The following RCOR3 variants were observed in gnomAD, a reference collection of about 807,000 sequenced individuals.
The protein encoded by RCOR3 is REST corepressor 3.
RCOR3 carries 13 observed loss-of-function variants against 64.1 expected under a neutral mutation model. That is an observed-to-expected ratio of 0.20 (90% CI 0.13 to 0.32). The LOEUF (loss-of-function observed/expected upper bound fraction) is 0.32, where lower values mean the gene tolerates loss of function less well. Among genes scored for constraint, RCOR3 ranks in the 10% least tolerant of loss-of-function variants. The pLI, the probability that RCOR3 is intolerant of heterozygous loss-of-function variation, is 1.00. For missense variants in RCOR3, 489 were observed against 701.2 expected (o/e 0.70, Z 3.42); for synonymous variants, 215 against 239.0 (o/e 0.90, Z 0.93).
At chr1:211,280,125 T>C (rs1697573389) in intron 7 of RCOR3, among the ~76,000 whole-genome samples, 1 of 152,216 alleles carries the variant, frequency 6.6e-6, no homozygotes, top group Admixed American at 6.5e-5. Context: ...GACATAGAAA[T>C]CTTGGATACA....
Position 211,305,788 on chromosome 1 carries a change from G to A in RCOR3, c.1075+1648G>A, listed in dbSNP as rs367961429. 9.9e-4 allele frequency among the ~76,000 whole-genome samples: 151 copies of A among 152,242 alleles called. 1 individual carries two copies. The highest frequency in any genetic ancestry group is 3.4e-3 in the African/African-American group (141 of 41,544). Reference sequence around the variant, plus strand: ...ATATTACCCAAAGCTGCATTCAAAGGAAGAGCAGTGGTAATATCTAAATAT... The same window carrying A: ...ATATTACCCAAAGCTGCATTCAAAGAAAGAGCAGTGGTAATATCTAAATAT... On this transcript the variant is annotated intron_variant, in intron 10 of 11. Transcript: ENST00000419091.
rs151164528 is a variant in RCOR3, at chr1:211,266,134, G to A, written c.224-5098G>A. 3.9e-3 allele frequency among the ~76,000 whole-genome samples: 591 copies of A among 152,268 alleles called. 1 individual carries two copies. Among genetic ancestry groups the A allele is most frequent in the Non-Finnish European group, 5.8e-3 (397 of 68,008 alleles). On this transcript the variant is annotated intron_variant, in intron 2 of 11. Transcript: ENST00000419091. Reference sequence around the variant, plus strand: ...TCTCTTAAAATTTTCTCATGCTCATGTACCCTGGGAAAGTCTTTGTTTACC... The same window carrying A: ...TCTCTTAAAATTTTCTCATGCTCATATACCCTGGGAAAGTCTTTGTTTACC...
At chr1:211,265,197 CTG>C (rs1194845889) in intron 2 of RCOR3, among the ~76,000 whole-genome samples, 1 of 152,142 alleles carries the variant, frequency 6.6e-6, no homozygotes, top group African/African-American at 2.4e-5. Flanking sequence ...AAAATATAAT[CTG>C]TAGTGTATTG....
At chr1:211,281,761 T>C (rs1276226306) in intron 7 of RCOR3, among the ~76,000 whole-genome samples, 1 of 152,214 alleles carries the variant, frequency 6.6e-6, no homozygotes, top group Non-Finnish European at 1.5e-5. Context: ...ATGTAGCTTC[T>C]CTATGAAATC....
At chr1:211,262,840 A>G (rs1481921104) in intron 2 of RCOR3, among the ~76,000 whole-genome samples, 3 of 147,656 alleles carry the variant, frequency 2.0e-5, no homozygotes, top group Non-Finnish European at 4.5e-5. Context: ...TTTTTTGAAG[A>G]AGCTATTTTT....
chr1:211,304,146 T>C lies in RCOR3; in HGVS notation c.1075+6T>C. 6.4e-7 allele frequency: 1 copy of C among 1,570,902 alleles called. No homozygotes were observed. The highest frequency in any genetic ancestry group is 8.6e-7 in the Non-Finnish European group (1 of 1,158,670). The stretch of plus-strand genomic sequence containing the variant: ...GCAGCTTCTAGCAGTGCAAGGTATA[T>C]TAAAGATAAGCAGTTATTGTTGTTA... On this transcript the variant is annotated splice_donor_region_variant and intron_variant, in intron 10 of 11. Coordinates refer to ENST00000419091, the MANE Select transcript of RCOR3 (RefSeq NM_001136223.3).
At chr1:211,263,156 AATG>A (rs1431741840) in intron 2 of RCOR3, among the ~76,000 whole-genome samples, 1 of 151,428 alleles carries the variant, frequency 6.6e-6, no homozygotes, top group Non-Finnish European at 1.5e-5. Context: ...GTTTACTGAG[AATG>A]ATGATTTCCA....
chr1:211,262,011 T>C (rs1694386642), intron 2 of RCOR3, among the ~76,000 whole-genome samples: 1 of 143,164 alleles, frequency 7.0e-6, no homozygotes, highest in African/African-American at 2.6e-5. Context: ...TCCCTGAGCC[T>C]CAGTATTCCT....
intron 9 of RCOR3, among the ~76,000 whole-genome samples, chr1:211,300,101 A>C (rs1700228821): frequency 1.7e-5 from 2 of 114,612 alleles, no homozygotes; most frequent in Admixed American, 1.2e-4. Context: ...AGACACTCTC[A>C]CTCCCATCAC....
intron 5 of RCOR3, among the ~76,000 whole-genome samples, chr1:211,277,874 T>G (rs529496683): frequency 6.6e-6 from 1 of 152,312 alleles, no homozygotes. Flanking sequence ...GGGGACATTC[T>G]CACCAGATTA....
chr1:211,288,836 T>C (rs1384778909), intron 7 of RCOR3, among the ~76,000 whole-genome samples: 2 of 152,098 alleles, frequency 1.3e-5, no homozygotes, highest in East Asian at 3.9e-4. Context: ...AAGGTGGCTT[T>C]TCCCCCCCTT....
chr1:211,301,227 A>G (rs1700348801), intron 9 of RCOR3, among the ~76,000 whole-genome samples: 1 of 152,182 alleles, frequency 6.6e-6, no homozygotes, highest in Non-Finnish European at 1.5e-5. Context: ...TTTAGCCTCA[A>G]GTGGAACCTG....
At chr1:211,294,367 G>T (rs1196874922) in intron 8 of RCOR3, among the ~76,000 whole-genome samples, 3 of 151,364 alleles carry the variant, frequency 2.0e-5, no homozygotes, top group East Asian at 3.9e-4. Flanking sequence ...CAACCTTCAG[G>T]TTTTTTTTCA....
intron 2 of RCOR3, among the ~76,000 whole-genome samples, chr1:211,264,933 A>AT (rs1243074921): frequency 6.6e-6 from 1 of 152,146 alleles, no homozygotes; most frequent in Non-Finnish European, 1.5e-5. Context: ...GTAGAGGCTA[A>AT]TTTTTTATCA....
At chr1:211,276,798 C>G (rs950987789) in intron 5 of RCOR3, among the ~76,000 whole-genome samples, 1 of 151,724 alleles carries the variant, frequency 6.6e-6, no homozygotes, top group South Asian at 2.1e-4. Flanking sequence ...TTAAAAAATC[C>G]CATATTAGGC....
intron 2 of RCOR3, among the ~76,000 whole-genome samples, chr1:211,268,369 CTTTTTTTTTTTTTTTT>C (rs756643084): frequency 1.3e-5 from 1 of 79,356 alleles, no homozygotes; most frequent in Non-Finnish European, 2.5e-5. Context: ...TCTTTTCTTT[CTTTTTTTTTTTTTTTT>C]TTTTTTTTTT....
Position 211,260,111 on chromosome 1 carries a change from T to G in RCOR3, c.170T>G (p.Val57Gly), listed in dbSNP as rs1170696635. ...ATTTTTTGGCATTGCTTTGCAGATG[T>G]TGGGATGAGAGTCGGAGCCGAATAC... The part of the protein sequence containing the change: ...SGCSSDDEHD[V>G]GMRVGAEYQA... The change falls in exon 2 of 12, where the codon GTT becomes GGT. Residue 57 changes from valine (V) to glycine (G), a missense_variant. This residue lies in a region of RCOR3 where 87 missense variants were observed against 84.3 expected (regional missense o/e 1.03). Coordinates refer to ENST00000419091, the MANE Select transcript of RCOR3 (RefSeq NM_001136223.3). 6.2e-7 allele frequency: 1 copy of G among 1,610,950 alleles called. No homozygotes were observed. The highest frequency in any genetic ancestry group is 8.5e-7 in the Non-Finnish European group (1 of 1,178,080).
At chr1:211,300,158 TC>T (rs1161442035) in intron 9 of RCOR3, among the ~76,000 whole-genome samples, 2 of 143,202 alleles carry the variant, frequency 1.4e-5, no homozygotes, top group African/African-American at 5.0e-5. Flanking sequence ...GCAACCTCCA[TC>T]TCCTGGGCTC....
intron 4 of RCOR3, among the ~76,000 whole-genome samples, chr1:211,275,240 G>T (rs1571848524): frequency 6.6e-6 from 1 of 151,914 alleles, no homozygotes; most frequent in African/African-American, 2.4e-5. Flanking sequence ...TGTAACCTGG[G>T]TTATCAAGAG....
Sources: gnomAD v4.1 joint callset for allele counts (sites outside exome capture counted in the v4.1 genomes callset) on GRCh38, gnomAD v4.1.1 for gene constraint, gnomAD v4.1.1 regional missense constraint, MANE v1.5 for transcripts, NCBI Gene and HGNC (gene_info 2026-07-23, HGNC 2026-07-21) for gene names.